Variants in NEB observed in about 807,000 individuals in gnomAD.
The protein encoded by NEB is nemaline myopathy type 2.
Under a neutral mutation model 952.2 loss-of-function variants are expected in NEB, and 512 were observed. The ratio of observed to expected loss-of-function variants is 0.54; its 90% CI spans 0.50 to 0.58. The LOEUF (loss-of-function observed/expected upper bound fraction) is 0.58. NEB is among the 20% of genes least tolerant of loss of function. The pLI, the probability that NEB is intolerant of heterozygous loss-of-function variation, is 0.00. For synonymous variants in NEB, 2,900 were observed against 3,149.8 expected (o/e 0.92, Z 2.66); for missense variants, 8,428 against 9,231.1 (o/e 0.91, Z 3.56).
chr2:151,679,440 T>C (rs1021752286), intron 32 of NEB, among the ~76,000 whole-genome samples: 2 of 152,116 alleles, frequency 1.3e-5, no homozygotes, highest in Admixed American at 6.5e-5. Flanking sequence ...GTAAGTCACT[T>C]CTGGATCTCC....
intron 137 of NEB, 58 bp downstream of exon 137, chr2:151,540,639 G>A: frequency 1.4e-6 from 2 of 1,481,184 alleles, no homozygotes; most frequent in Non-Finnish European, 1.9e-6. Context: ...GCAGGGGAAG[G>A]TTTTAACAAA....
chr2:151,724,222 CA>C, intron 8 of NEB, 37 bp downstream of exon 8: 1 of 1,443,030 alleles, frequency 6.9e-7, no homozygotes, highest in Non-Finnish European at 9.7e-7. Context: ...GATGGGATGA[CA>C]TAGGAAGACA....
chr2:151,570,691 G>A, intron 107 of NEB, 90 bp from the exon 108 acceptor site: 1 of 1,165,716 alleles, frequency 8.6e-7, no homozygotes, highest in Non-Finnish European at 1.3e-6. Context: ...CAGGGGCACA[G>A]TTTTGAAGCC....
At chr2:151,659,567 C>T (rs1319919807) in intron 46 of NEB, among the ~76,000 whole-genome samples, 1 of 152,130 alleles carries the variant, frequency 6.6e-6, no homozygotes, top group Non-Finnish European at 1.5e-5. Flanking sequence ...TTCCAAAGTG[C>T]TAGTATTACA....
intron 141 of NEB, 127 bp downstream of exon 141, chr2:151,537,005 C>T (rs1339608886): frequency 5.7e-6 from 3 of 528,084 alleles, no homozygotes; most frequent in Non-Finnish European, 1.0e-5. Flanking sequence ...TAAGTATGTA[C>T]TCAGACTATA....
chr2:151,652,978 C>T (rs1038124228), intron 52 of NEB, among the ~76,000 whole-genome samples: 23 of 152,138 alleles, frequency 1.5e-4, no homozygotes, highest in Non-Finnish European at 2.5e-4. Context: ...GACCTGCAAG[C>T]TGGAGAGTGG....
chr2:151,642,714 T>C (rs745784289), intron 59 of NEB, 33 bp from the exon 60 acceptor site: 16 of 1,608,460 alleles, frequency 9.9e-6, no homozygotes, highest in Non-Finnish European at 1.4e-5. Flanking sequence ...GTTGGATTTA[T>C]AAAGTGCATT....
chr2:151,693,369 T>C (rs566551082), intron 20 of NEB, among the ~76,000 whole-genome samples: 44 of 152,266 alleles, frequency 2.9e-4, no homozygotes, highest in African/African-American at 1.0e-3. Flanking sequence ...TCCTGTCACC[T>C]AGGAATTAAG....
intron 67 of NEB, among the ~76,000 whole-genome samples, chr2:151,630,231 TA>T (rs929413888): frequency 1.2e-4 from 18 of 152,322 alleles, no homozygotes; most frequent in African/African-American, 4.3e-4. Flanking sequence ...ATTTTACTTT[TA>T]AAAAAGTCAG....
intron 163 of NEB, chr2:151,506,465 A>AT (rs1007738199): frequency 1.7e-5 from 9 of 521,424 alleles, no homozygotes; most frequent in Admixed American, 1.1e-4. Flanking sequence ...AGATCTTAAG[A>AT]TTTCTTCTAA....
Position 151,627,725 on chromosome 2 carries a change from C to T in NEB, c.9941G>A (p.Ser3314Asn), listed in dbSNP as rs759825609. 1 of 1,613,956 alleles carries T rather than the reference C, an allele frequency of 6.2e-7. No homozygotes were observed. Among genetic ancestry groups the T allele is most frequent in the South Asian group, 1.1e-5 (1 of 91,082 alleles). Residue 3314 changes from serine (S) to asparagine (N), a missense_variant, in exon 69 of 182, where the codon AGT becomes AAT. Ser to Asn is a conservative substitution (Grantham distance 46). This residue lies in a region of NEB where 1,772 missense variants were observed against 1,960.3 expected (regional missense o/e 0.90). Transcript: ENST00000397345. ...AAAGTCCTTCTTATACTCCCTGTCA[C>T]TCTGGATCTTGGCCACATGCATGGA... ...MWSMHVAKIQ[S>N]DREYKKDFEK...
intron 180 of NEB, 76 bp downstream of exon 180, chr2:151,490,296 C>T: frequency 1.3e-6 from 2 of 1,506,864 alleles, no homozygotes; most frequent in South Asian, 2.5e-5. Flanking sequence ...TGTTTTTGTA[C>T]TCAAAGCATC....
chr2:151,644,309 T>A (rs1311093464), intron 56 of NEB, among the ~76,000 whole-genome samples, 159 bp downstream of exon 56: 1 of 152,202 alleles, frequency 6.6e-6, no homozygotes, highest in Non-Finnish European at 1.5e-5. Context: ...ACATAATAAA[T>A]GCATCCTTGA....
At chr2:151,505,778 C>A (rs2068365417) in intron 164 of NEB, among the ~76,000 whole-genome samples, 1 of 152,132 alleles carries the variant, frequency 6.6e-6, no homozygotes, top group Non-Finnish European at 1.5e-5. Flanking sequence ...GTCTCTCTCT[C>A]GTCTCTTTGG....
chr2:151,525,071 T>A (rs1357067344), intron 151 of NEB, 92 bp downstream of exon 151: 3 of 951,354 alleles, frequency 3.2e-6, no homozygotes, highest in Non-Finnish European at 3.4e-6. Context: ...ACAGAGGAAT[T>A]AGAGTGACCA....
Position 151,688,350 on chromosome 2 carries a change from A to G in NEB, c.2357T>C (p.Ile786Thr). Residue 786 changes from isoleucine (I) to threonine (T), a missense_variant, in exon 25 of 182, where the codon ATA becomes ACA. By Grantham distance (89) the Ile-to-Thr change is moderately conservative (BLOSUM62 -1). Coordinates refer to ENST00000397345, the MANE Select transcript of NEB (RefSeq NM_001164508.2). The part of the protein sequence containing the change: ...KHEGEKFKCH[I>T]PADAPQFIQH... The stretch of plus-strand genomic sequence containing the variant: ...GATAAACTGTGGAGCATCTGCTGGT[A>G]TATGGCACTTGAACTTCTCACCTTC... The G allele has an allele frequency of 1.2e-6, 2 of 1,613,958 alleles. No homozygotes were observed. The highest frequency in any genetic ancestry group is 1.7e-6 in the Non-Finnish European group (2 of 1,179,846).
Position 151,627,024 on chromosome 2 carries a change from T to C in NEB, c.10325A>G (p.Asn3442Ser), listed in dbSNP as rs749452631. Reference sequence around the variant, plus strand: ...CACCTTGTTCATATTGAGAGCATTGTTCTTGGCCAGCACCTGCTCTAGAGA... The same window carrying C: ...CACCTTGTTCATATTGAGAGCATTGCTCTTGGCCAGCACCTGCTCTAGAGA... The part of the protein sequence containing the change: ...TDSLEQVLAK[N>S]NALNMNKRLY... Residue 3442 changes from asparagine to serine, a missense_variant, in exon 70 of 182, where the codon AAC (asparagine) becomes AGC (serine). By Grantham distance (46) the Asn-to-Ser change is conservative. Coordinates refer to ENST00000397345, the MANE Select transcript of NEB (RefSeq NM_001164508.2). The C allele has an allele frequency of 3.1e-6, 5 of 1,613,848 alleles. No individual in the cohort carries two copies. Among genetic ancestry groups the C allele is most frequent in the Non-Finnish European group, 8.5e-7 (1 of 1,179,864 alleles).
intron 154 of NEB, 139 bp downstream of exon 154, chr2:151,519,519 G>T: frequency 4.4e-6 from 3 of 675,192 alleles, no homozygotes; most frequent in East Asian, 2.7e-5. Flanking sequence ...AGTTTCTGTT[G>T]GTATGAAAAC....
chr2:151,705,994 C>T (rs757264762), intron 13 of NEB, among the ~76,000 whole-genome samples: 32 of 152,184 alleles, frequency 2.1e-4, no homozygotes, highest in Non-Finnish European at 4.4e-5. Flanking sequence ...GATGGGTGCA[C>T]CAAAATCTCA....
Sources: gnomAD v4.1 joint callset for allele counts (sites outside exome capture counted in the v4.1 genomes callset) on GRCh38, gnomAD v4.1.1 for gene constraint, gnomAD v4.1.1 regional missense constraint, MANE v1.5 for transcripts, NCBI Gene and HGNC (gene_info 2026-07-23, HGNC 2026-07-21) for gene names.